The following UBE2E2 variants were observed in gnomAD, a reference collection of about 807,000 sequenced individuals.
UBE2E2 encodes the protein ubiquitin conjugating enzyme E2 E2, also known as ubiquitin-conjugating enzyme E2 E2.
A neutral mutation model predicts 24.7 loss-of-function variants in UBE2E2; 6 were observed. The observed-to-expected ratio is 0.24, with a 90% CI of 0.13 to 0.48. UBE2E2 has a LOEUF of 0.48. Ranked by LOEUF, UBE2E2 falls within the 20% of genes least tolerant of loss-of-function variation. The probability of loss-of-function intolerance (pLI) is 0.99; values close to 1 mark genes in which losing one functional copy is unlikely to be tolerated. For synonymous variants in UBE2E2, 104 were observed against 83.6 expected (o/e 1.24, Z -1.33); for missense variants, 169 against 245.0 (o/e 0.69, Z 2.07).
intron 5 of UBE2E2, among the ~76,000 whole-genome samples, chr3:23,544,959 T>G (rs1224801707): frequency 3.3e-5 from 5 of 152,114 alleles, no homozygotes; most frequent in African/African-American, 1.2e-4. Flanking sequence ...AGGTAAAGAA[T>G]CAAGTGCTGT....
intron 3 of UBE2E2, among the ~76,000 whole-genome samples, chr3:23,417,238 G>C (rs918520523): frequency 6.6e-6 from 1 of 152,142 alleles, no homozygotes; most frequent in Non-Finnish European, 1.5e-5. Flanking sequence ...GGGTTTCTGT[G>C]TGGACGTCCT....
At chr3:23,584,649 G>A (rs1377326741) in intron 5 of UBE2E2, among the ~76,000 whole-genome samples, 4 of 151,748 alleles carry the variant, frequency 2.6e-5, no homozygotes, top group African/African-American at 9.7e-5. Context: ...GACCCCCTGG[G>A]CTCCAGTGAA....
chr3:23,334,106 A>ACTCT (rs1167410448), intron 3 of UBE2E2, among the ~76,000 whole-genome samples: 1 of 152,090 alleles, frequency 6.6e-6, no homozygotes, highest in African/African-American at 2.4e-5. Context: ...TGAAATATGC[A>ACTCT]CTCTCATATC....
chr3:23,504,926 T>TTTTTTTTTTTTTTTTTTTTTGTTA (rs1232574541), intron 4 of UBE2E2, among the ~76,000 whole-genome samples: 1 of 147,280 alleles, frequency 6.8e-6, no homozygotes. Context: ...TTTTTTTTTT[T>TTTTTTTTTTTTTTTTTTTTTGTTA]GAGACAGGGT....
At chr3:23,473,171 A>G (rs1378627523) in intron 3 of UBE2E2, among the ~76,000 whole-genome samples, 2 of 152,078 alleles carry the variant, frequency 1.3e-5, no homozygotes, top group South Asian at 2.1e-4. Context: ...CCCCCACTCT[A>G]TCAATACACA....
Position 23,589,121 on chromosome 3 carries a change from C to T in UBE2E2, c.509-613C>T, listed in dbSNP as rs943062144. On this transcript the variant is annotated intron_variant, in intron 5 of 5. Transcript: ENST00000396703. This position sits in a 1 kb window ranked among gnomAD's most constrained non-coding sequence, Gnocchi z 4.1. ...GCCCACAGCCCACCTGCATTTTCTC[C>T]GTGAAATATCTACTTGAAGACAGGC... 1.3e-5 allele frequency among the ~76,000 whole-genome samples: 2 copies of T among 151,976 alleles called. No homozygotes were observed. The highest frequency in any genetic ancestry group is 2.1e-4 in the South Asian group (1 of 4,810).
intron 4 of UBE2E2, among the ~76,000 whole-genome samples, chr3:23,508,679 A>G (rs1694513016): frequency 6.6e-6 from 1 of 152,228 alleles, no homozygotes; most frequent in African/African-American, 2.4e-5. Flanking sequence ...GTTTCAAACA[A>G]GTATTTTACT....
rs531811644 is a variant in UBE2E2 at position 23,292,004 on chromosome 3, G to A, written c.227+74692G>A. Among the ~76,000 whole-genome samples, 868 of 151,748 alleles carry A rather than the reference G, an allele frequency of 5.7e-3. 9 individuals are homozygous for A. Among genetic ancestry groups the A allele is most frequent in the African/African-American group, 0.019 (804 of 41,390 alleles). ...CTCCCGAGTAGCTGGGACTACAGGC[G>A]CCCGCCACCGCACCCGGCTAATTTT... On this transcript the variant is annotated intron_variant, in intron 3 of 5. Coordinates refer to ENST00000396703, the MANE Select transcript of UBE2E2 (RefSeq NM_152653.4).
chr3:23,539,974 G>T (rs1178642174), intron 5 of UBE2E2, among the ~76,000 whole-genome samples: 3 of 152,100 alleles, frequency 2.0e-5, no homozygotes, highest in African/African-American at 7.2e-5. Context: ...TAGAGAAAAT[G>T]GTTATTATAA....
At chr3:23,394,582 G>C (rs527801829) in intron 3 of UBE2E2, among the ~76,000 whole-genome samples, 2 of 152,158 alleles carry the variant, frequency 1.3e-5, no homozygotes, top group Non-Finnish European at 2.9e-5. Flanking sequence ...GAGGTATCAG[G>C]ATTCTAGAGA....
At chr3:23,359,852 C>G (rs190986308) in intron 3 of UBE2E2, among the ~76,000 whole-genome samples, 1 of 152,068 alleles carries the variant, frequency 6.6e-6, no homozygotes, top group Non-Finnish European at 1.5e-5. Flanking sequence ...TATGAACTAG[C>G]TTTCTAATTG....
At chr3:23,340,921 G>T (rs981283967) in intron 3 of UBE2E2, among the ~76,000 whole-genome samples, 1 of 151,820 alleles carries the variant, frequency 6.6e-6, no homozygotes, top group Non-Finnish European at 1.5e-5. Context: ...CTTTGTTTTC[G>T]TACTCCCCCC....
chr3:23,257,454 C>T (rs1697759108), intron 3 of UBE2E2, among the ~76,000 whole-genome samples: 1 of 143,526 alleles, frequency 7.0e-6, no homozygotes, highest in Non-Finnish European at 1.5e-5. Flanking sequence ...GATGAAGCTC[C>T]ATTGCTTTAT....
chr3:23,208,324 G>T (rs1447322389), intron 1 of UBE2E2, among the ~76,000 whole-genome samples: 1 of 152,108 alleles, frequency 6.6e-6, no homozygotes, highest in Non-Finnish European at 1.5e-5. Context: ...CATCCATTTT[G>T]TAGCATGTAG....
intron 5 of UBE2E2, among the ~76,000 whole-genome samples, chr3:23,569,926 G>T (rs916953700): frequency 2.0e-5 from 3 of 152,082 alleles, no homozygotes; most frequent in Non-Finnish European, 2.9e-5. Context: ...AATTTTGAAT[G>T]GTTTTAATTT....
At chr3:23,584,873 G>T (rs1253187617) in intron 5 of UBE2E2, among the ~76,000 whole-genome samples, 1 of 151,914 alleles carries the variant, frequency 6.6e-6, no homozygotes, top group Non-Finnish European at 1.5e-5. Flanking sequence ...TGCCCAGTTG[G>T]TATGACAGTC....
rs1051914497 is a variant in UBE2E2, at chr3:23,268,845, C to T, written c.227+51533C>T. 1.2e-4 allele frequency among the ~76,000 whole-genome samples: 18 copies of T among 151,908 alleles called. No homozygotes were observed. In the East Asian group the frequency reaches 1.6e-3, roughly 13 times the overall value. ...AACCAAAACAGCATGGTACTGGTACCGAAACAGAGATATAGATCAATGGAA... is the reference window on the plus strand; with the variant it reads ...AACCAAAACAGCATGGTACTGGTACTGAAACAGAGATATAGATCAATGGAA... On this transcript the variant is annotated intron_variant, in intron 3 of 5. Transcript: ENST00000396703.
chr3:23,461,342 G>A (rs967471135), intron 3 of UBE2E2, among the ~76,000 whole-genome samples: 1 of 151,896 alleles, frequency 6.6e-6, no homozygotes, highest in African/African-American at 2.4e-5. Context: ...AGTTTGCTAG[G>A]TAACTTATCT....
At chr3:23,277,046 G>GGT (rs1698389120) in intron 3 of UBE2E2, among the ~76,000 whole-genome samples, 1 of 152,040 alleles carries the variant, frequency 6.6e-6, no homozygotes, top group Admixed American at 6.5e-5. Flanking sequence ...GATAGTAGAC[G>GGT]GTGTGACCAT....
Sources: gnomAD v4.1 joint callset for allele counts (sites outside exome capture counted in the v4.1 genomes callset) on GRCh38, gnomAD v4.1.1 for gene constraint, Gnocchi (gnomAD v3.1) non-coding constraint, MANE v1.5 for transcripts, NCBI Gene and HGNC (gene_info 2026-07-23, HGNC 2026-07-21) for gene names.